Variants in CFAP299 observed in about 807,000 individuals in gnomAD.
CFAP299 encodes the protein cilia and flagella associated protein 299, also known as cilia- and flagella-associated protein 299.
CFAP299 carries 21 observed loss-of-function variants against 27.0 expected under a neutral mutation model. That is an observed-to-expected ratio of 0.78 (90% confidence interval 0.55 to 1.12). CFAP299 has a LOEUF of 1.12. CFAP299 is among the 50% of genes most tolerant of loss of function. The pLI, the probability that CFAP299 is intolerant of heterozygous loss-of-function variation, is 0.00. For synonymous variants in CFAP299, 104 were observed against 98.1 expected, an observed-to-expected ratio of 1.06 and a Z score of -0.36; for missense variants, 310 against 276.6, an observed-to-expected ratio of 1.12 and a Z score of -0.86.
At chr4:80,938,505 T>A (rs1007623486) in intron 4 of CFAP299, among the ~76,000 whole-genome samples, 1 of 152,212 alleles carries the variant, frequency 6.6e-6, no homozygotes, top group Non-Finnish European at 1.5e-5. Context: ...TTTTAGTTAA[T>A]CTATAATCTA....
chr4:80,703,179 A>G (rs551205288), intron 3 of CFAP299, among the ~76,000 whole-genome samples: 2 of 151,858 alleles, frequency 1.3e-5, no homozygotes, highest in East Asian at 1.9e-4. Context: ...ACTAAACTGA[A>G]ATCTCTATTC....
chr4:80,764,357 A>G (rs1191512574), intron 3 of CFAP299, among the ~76,000 whole-genome samples: 1 of 152,210 alleles, frequency 6.6e-6, no homozygotes, highest in African/African-American at 2.4e-5. Flanking sequence ...GCTCATCATC[A>G]CTGGTCATTA....
intron 3 of CFAP299, among the ~76,000 whole-genome samples, chr4:80,861,443 C>G (rs1454896439): frequency 6.6e-6 from 1 of 152,146 alleles, no homozygotes; most frequent in Admixed American, 6.5e-5. Context: ...GTCTGGCACT[C>G]CCTAGTGAGA....
chr4:80,716,244 C>G (rs2110041213), intron 3 of CFAP299, among the ~76,000 whole-genome samples: 1 of 152,092 alleles, frequency 6.6e-6, no homozygotes, highest in African/African-American at 2.4e-5. Flanking sequence ...ATCTTGCTTG[C>G]TCTTCCCATG....
At chr4:80,785,339 C>T (rs555545809) in intron 3 of CFAP299, among the ~76,000 whole-genome samples, 27 of 152,148 alleles carry the variant, frequency 1.8e-4, no homozygotes, top group East Asian at 3.9e-4. Context: ...CCTATTTTCC[C>T]GCCCTTACCA....
chr4:80,826,775 G>A lies in CFAP299; in HGVS notation c.334-43218G>A, dbSNP rs113314869. The stretch of plus-strand genomic sequence containing the variant: ...ACACAATTTTCCTAAGTGCATGTGG[G>A]ACATTGTCCATGATAGTTTATATAT... On this transcript the variant is annotated intron_variant, in intron 3 of 5. Transcript: ENST00000358105. 1.3e-3 allele frequency among the ~76,000 whole-genome samples: 199 copies of A among 151,922 alleles called. 2 individuals are homozygous for A. Among genetic ancestry groups the A allele is most frequent in the African/African-American group, 4.6e-3 (191 of 41,510 alleles).
At chr4:80,322,058 A>G in the CFAP299 span, among the ~76,000 whole-genome samples, 6 of 152,178 alleles carry the variant, frequency 3.9e-5, no homozygotes, top group African/African-American at 7.2e-5. Context: ...ACCCAGGACT[A>G]GCACCCAGGG....
chr4:80,712,954 T>TTTCATTCA (rs1722259300), intron 3 of CFAP299, among the ~76,000 whole-genome samples: 1 of 152,146 alleles, frequency 6.6e-6, no homozygotes, highest in African/African-American at 2.4e-5. Context: ...AGGGCTATCC[T>TTTCATTCA]TTCATTCATT....
At chr4:80,903,324 A>G (rs1268627848) in intron 4 of CFAP299, among the ~76,000 whole-genome samples, 1 of 152,148 alleles carries the variant, frequency 6.6e-6, no homozygotes, top group Non-Finnish European at 1.5e-5. Context: ...AAATTGGGGA[A>G]GGATAAAGGG....
At chr4:80,860,006 T>A (rs1335180150) in intron 3 of CFAP299, among the ~76,000 whole-genome samples, 1 of 152,190 alleles carries the variant, frequency 6.6e-6, no homozygotes, top group Non-Finnish European at 1.5e-5. Context: ...TGCAGAGTGT[T>A]TTCCAACTTG....
intron 2 of CFAP299, among the ~76,000 whole-genome samples, chr4:80,582,018 T>G (rs568248260): frequency 6.6e-6 from 1 of 151,974 alleles, no homozygotes; most frequent in Admixed American, 6.6e-5. Context: ...TAATATTACC[T>G]GGTTTCTCTC....
In CFAP299 at chr4:80,899,893, C is replaced by A. The variant is rs966822145; in HGVS notation, c.476+29758C>A. On this transcript the variant is annotated intron_variant, in intron 4 of 5. Coordinates refer to ENST00000358105, the MANE Select transcript of CFAP299 (RefSeq NM_152770.3). The stretch of plus-strand genomic sequence containing the variant: ...CAGAATGAGCTCATAAATGCAAATT[C>A]ATTGGAAATGTTTAAGAAGAGATGA... Among the ~76,000 whole-genome samples, 3 of 152,158 alleles carry A rather than the reference C, an allele frequency of 2.0e-5. No homozygotes were observed. In the South Asian group the frequency reaches 6.2e-4, roughly 32 times the overall value.
chr4:80,370,905 G>T (rs952410359), intron 2 of CFAP299, among the ~76,000 whole-genome samples: 1 of 152,256 alleles, frequency 6.6e-6, no homozygotes, highest in Non-Finnish European at 1.5e-5. Flanking sequence ...CAGCGCCCCA[G>T]TGGGGCCTCT....
chr4:80,689,036 A>T (rs1379748570), intron 3 of CFAP299, among the ~76,000 whole-genome samples: 2 of 152,208 alleles, frequency 1.3e-5, no homozygotes, highest in African/African-American at 4.8e-5. Flanking sequence ...GAAATATGGG[A>T]CTATGTGAAA....
intron 5 of CFAP299, 137 bp downstream of exon 5, chr4:80,945,076 G>A: frequency 1.3e-6 from 1 of 782,732 alleles, no homozygotes; most frequent in Non-Finnish European, 2.1e-6. Flanking sequence ...GAAACTTAGA[G>A]CATGTACTAC....
intron 2 of CFAP299, among the ~76,000 whole-genome samples, chr4:80,548,589 A>G (rs975224299): frequency 6.6e-6 from 1 of 152,170 alleles, no homozygotes; most frequent in Non-Finnish European, 1.5e-5. Context: ...ATCTGCCTAC[A>G]TAACAGATAT....
At chr4:80,852,710 C>G (rs1235320608) in intron 3 of CFAP299, among the ~76,000 whole-genome samples, 1 of 152,122 alleles carries the variant, frequency 6.6e-6, no homozygotes, top group Non-Finnish European at 1.5e-5. Context: ...TTTCTTATTT[C>G]TCTATTCACT....
intron 3 of CFAP299, among the ~76,000 whole-genome samples, chr4:80,778,469 T>C (rs969181502): frequency 2.0e-5 from 3 of 152,164 alleles, no homozygotes; most frequent in African/African-American, 7.2e-5. Context: ...CTTGGAATTT[T>C]AGAATCTTTC....
chr4:80,445,317 A>G (rs1487379987), intron 2 of CFAP299, among the ~76,000 whole-genome samples: 2 of 152,262 alleles, frequency 1.3e-5, no homozygotes, highest in Admixed American at 6.5e-5. Context: ...AATGTGGCAC[A>G]TATACACAAT....
Sources: gnomAD v4.1 joint callset for allele counts (sites outside exome capture counted in the v4.1 genomes callset) on GRCh38, gnomAD v4.1.1 for gene constraint, MANE v1.5 for transcripts, NCBI Gene and HGNC (gene_info 2026-07-23, HGNC 2026-07-21) for gene names.